PCDHGB2: variants seen among roughly 807,000 people sequenced by gnomAD.
The protein encoded by PCDHGB2 is protocadherin gamma subfamily B, 2.
A neutral mutation model predicts 59.3 loss-of-function variants in PCDHGB2; 55 were observed. The observed-to-expected ratio is 0.93, with a 90% confidence interval of 0.75 to 1.16. PCDHGB2 has a LOEUF of 1.16. Among genes scored for constraint, PCDHGB2 ranks in the 50% most tolerant of loss-of-function variants. The pLI, the probability that PCDHGB2 is intolerant of heterozygous loss-of-function variation, is 0.00. For missense variants in PCDHGB2, 1,228 were observed against 1,198.5 expected (o/e 1.02, Z -0.36); for synonymous variants, 516 against 512.0 (o/e 1.01, Z -0.11).
At chr5:141,371,928 G>C (rs1305933236) in intron 1 of PCDHGB2, 1 of 1,613,350 alleles carries the variant, frequency 6.2e-7, no homozygotes. Flanking sequence ...CGCGCGGAGC[G>C]GGGTGGTGTT....
rs748249722 is a variant in PCDHGB2 at position 141,362,524 on chromosome 5, G to A, written c.2389G>A (p.Gly797Arg). Residue 797 changes from glycine (G) to arginine (R), a missense_variant, in exon 1 of 4, where the codon GGG (glycine) becomes AGG (arginine). Gly to Arg is a moderately radical substitution (Grantham distance 125). Around this residue, in one of 3 missense-constraint regions of PCDHGB2, gnomAD observed 433 missense variants for 441.8 expected, o/e 0.98. Transcript: ENST00000522605. ...WEQNTNHGAA[G>R]VPFASDTILK... is the part of the protein sequence containing the mutation. ...ACAAAATACAAATCATGGAGCCGCTGGGGTCCCTTTTGCCTCAGATACTAT... is the reference window on the plus strand; with the variant it reads ...ACAAAATACAAATCATGGAGCCGCTAGGGTCCCTTTTGCCTCAGATACTAT... The A allele has an allele frequency of 6.2e-7, 1 of 1,613,964 alleles. No homozygotes were observed. Among genetic ancestry groups the A allele is most frequent in the Non-Finnish European group, 8.5e-7 (1 of 1,179,894 alleles).
intron 1 of PCDHGB2, among the ~76,000 whole-genome samples, chr5:141,433,809 C>A (rs913637407): frequency 5.3e-5 from 8 of 149,948 alleles, no homozygotes; most frequent in Non-Finnish European, 1.2e-4. Flanking sequence ...TGCACTCCAG[C>A]CTGGGCAACA....
Position 141,360,991 on chromosome 5 carries a change from G to A in PCDHGB2, c.856G>A (p.Glu286Lys), listed in dbSNP as rs773432270. ...CACCTACTCCTTTCATAATGTGGAC[G>A]AACAAGTGAAACACTTTTTCAACTT... ...EITYSFHNVD[E>K]QVKHFFNLNE... Residue 286 changes from glutamate to lysine, a missense_variant, in exon 1 of 4, where the codon GAA becomes AAA. By Grantham distance (56) the Glu-to-Lys change is moderately conservative. Coordinates refer to ENST00000522605, the MANE Select transcript of PCDHGB2 (RefSeq NM_018923.3). 3 of 1,613,428 alleles carry A rather than the reference G, an allele frequency of 1.9e-6. No individual in the cohort carries two copies. The highest frequency in any genetic ancestry group is 2.5e-6 in the Non-Finnish European group (3 of 1,179,594).
At position 141,432,065 on chromosome 5, in the gene PCDHGB2, AC is replaced by A; in HGVS notation, c.2422-62741del. 1.2e-6 allele frequency: 2 copies of A among 1,614,048 alleles called. No homozygotes were observed. The highest frequency in any genetic ancestry group is 1.7e-6 in the Non-Finnish European group (2 of 1,180,006). On this transcript the variant is annotated intron_variant, in intron 1 of 3. Transcript: ENST00000522605. The surrounding 1 kb of genome is among the most constrained non-coding windows in gnomAD (Gnocchi z 6.0). ...GGGAACCCCGCCCCTATCCACGGAA[AC>A]TCATATCTCGCTGAACGTGGCAGAC...
At chr5:141,495,419 C>A (rs1434107823) in intron 2 of PCDHGB2, among the ~76,000 whole-genome samples, 1 of 152,228 alleles carries the variant, frequency 6.6e-6, no homozygotes, top group Non-Finnish European at 1.5e-5. Context: ...CCGGCCCCTC[C>A]TCCCACTGTC....
At chr5:141,482,956 CCAGCTACTTGAG>C (rs6149271) in intron 1 of PCDHGB2, among the ~76,000 whole-genome samples, 62,216 of 151,640 alleles carry the variant, frequency 0.41, 15,336 homozygotes, top group African/African-American at 0.7. Context: ...GCCTGTAATT[CCAGCTACTTGAG>C]CAGCTACTTG....
chr5:141,410,380 C>T, intron 1 of PCDHGB2: 1 of 1,614,072 alleles, frequency 6.2e-7, no homozygotes, highest in Non-Finnish European at 8.5e-7. Flanking sequence ...CTTGGGACTG[C>T]TTCCATCCTG....
intron 1 of PCDHGB2, chr5:141,433,354 T>C: frequency 1.7e-6 from 1 of 602,322 alleles, no homozygotes; most frequent in Non-Finnish European, 2.9e-6. Flanking sequence ...CCACCTACTG[T>C]CTGCCTATCT....
chr5:141,411,743 G>A (rs2095510866), intron 1 of PCDHGB2: 2 of 152,860 alleles, frequency 1.3e-5, no homozygotes, highest in Non-Finnish European at 2.9e-5. Flanking sequence ...TTAGCAGGGT[G>A]TGGTGGCACA....
chr5:141,365,693 G>A, intron 1 of PCDHGB2: 1 of 1,613,364 alleles, frequency 6.2e-7, no homozygotes, highest in South Asian at 1.1e-5. Flanking sequence ...TTTCCCTCAA[G>A]CCTCCTACTC....
intron 1 of PCDHGB2, chr5:141,415,889 T>C: frequency 2.1e-6 from 2 of 942,152 alleles, no homozygotes; most frequent in Non-Finnish European, 2.9e-6. Context: ...TATTGACAAT[T>C]CCTAAGACAG....
At chr5:141,492,703 G>A (rs2099743198) in intron 1 of PCDHGB2, among the ~76,000 whole-genome samples, 1 of 152,246 alleles carries the variant, frequency 6.6e-6, no homozygotes, top group Non-Finnish European at 1.5e-5. Flanking sequence ...CAACCCAGAA[G>A]CCTCGAGCAG....
At position 141,486,905 on chromosome 5, in the gene PCDHGB2, C is replaced by G. The variant is rs1463391292; in HGVS notation, c.2422-7902C>G. On this transcript the variant is annotated intron_variant, in intron 1 of 3. Coordinates refer to ENST00000522605, the MANE Select transcript of PCDHGB2 (RefSeq NM_018923.3). This position sits in a 1 kb window ranked among gnomAD's most constrained non-coding sequence, Gnocchi z 5.0. ...GGCCCGGCCTGGTTCCTTATGTCCC[C>G]AAGCACTGCCTCCATCAGTTGGTGC... 1 of 1,614,250 alleles carries G rather than the reference C, an allele frequency of 6.2e-7. No individual in the cohort carries two copies. The highest frequency in any genetic ancestry group is 1.3e-5 in the African/African-American group (1 of 75,066).
At chr5:141,414,287 C>A (rs374229359) in intron 1 of PCDHGB2, 4 of 1,613,316 alleles carry the variant, frequency 2.5e-6, no homozygotes, top group Non-Finnish European at 3.4e-6. Flanking sequence ...ACAGTCGTAG[C>A]CCTTTTAAAT....
chr5:141,415,740 G>GTTTTTTTTTTTTTTTTTTTTTTTTTT, intron 1 of PCDHGB2: 11 of 617,992 alleles, frequency 1.8e-5, no homozygotes, highest in Middle Eastern at 5.6e-4. Context: ...GTTTATTAAG[G>GTTTTTTTTTTTTTTTTTTTTTTTTTT]TTTTTTTTTT....
intron 1 of PCDHGB2, among the ~76,000 whole-genome samples, chr5:141,438,606 A>G: frequency 3.6e-5 from 1 of 27,780 alleles, no homozygotes; most frequent in African/African-American, 2.7e-4. Flanking sequence ...ATATATATAT[A>G]TATATATATA....
rs751905674 is a variant in PCDHGB2, at chr5:141,408,643, C to A, written c.2421+46087C>A. On this transcript the variant is annotated intron_variant, in intron 1 of 3. Coordinates refer to ENST00000522605, the MANE Select transcript of PCDHGB2 (RefSeq NM_018923.3). ...ATTTAGAAATTTTCGAATCTGCATCCGCTGGTACACGACTATCGCTTGACC... is the reference window on the plus strand; with the variant it reads ...ATTTAGAAATTTTCGAATCTGCATCAGCTGGTACACGACTATCGCTTGACC... 13 of 1,613,792 alleles carry A rather than the reference C, an allele frequency of 8.1e-6. No homozygotes were observed. The African/African-American group carries it at 1.6e-4, about 20-fold the overall frequency.
chr5:141,384,742 G>A (rs1477575254), intron 1 of PCDHGB2: 1 of 1,613,976 alleles, frequency 6.2e-7, no homozygotes, highest in African/African-American at 1.3e-5. Flanking sequence ...CAGCGAGCCA[G>A]GACTCTTTGC....
intron 1 of PCDHGB2, chr5:141,410,848 T>TA: frequency 1.9e-5 from 7 of 365,918 alleles, no homozygotes; most frequent in Non-Finnish European, 3.2e-5. Context: ...TTTGTCTTTG[T>TA]CTTTTTTTTT....
Sources: gnomAD v4.1 joint callset for allele counts (sites outside exome capture counted in the v4.1 genomes callset) on GRCh38, gnomAD v4.1.1 for gene constraint, gnomAD v4.1.1 regional missense constraint, Gnocchi (gnomAD v3.1) non-coding constraint, MANE v1.5 for transcripts, NCBI Gene and HGNC (gene_info 2026-07-23, HGNC 2026-07-21) for gene names.